Variants in SNX30 observed in about 807,000 individuals in gnomAD.
The protein encoded by SNX30 is sorting nexin family member 30.
SNX30 carries 24 observed loss-of-function variants against 46.4 expected under a neutral mutation model. The ratio of observed to expected loss-of-function variants is 0.52; its 90% CI spans 0.37 to 0.73. SNX30 has a LOEUF of 0.73. SNX30 is among the 30% of genes least tolerant of loss of function. The pLI is 0.00. For missense variants in SNX30, 533 were observed against 555.7 expected (o/e 0.96, Z 0.41); for synonymous variants, 189 against 211.5 (o/e 0.89, Z 0.92).
chr9:112,876,931 C>CAAA (rs67151355), downstream of SNX30, among the ~76,000 whole-genome samples: 13 of 135,468 alleles, frequency 9.6e-5, no homozygotes, highest in South Asian at 2.4e-4. Context: ...GTAAGACTGT[C>CAAA]AAAAAAAAAA....
chr9:112,839,803 T>G (rs1007520911), intron 6 of SNX30, among the ~76,000 whole-genome samples: 9 of 152,242 alleles, frequency 5.9e-5, no homozygotes, highest in African/African-American at 1.9e-4. Context: ...GAATAGGGAC[T>G]GACCTGAATT....
intron 3 of SNX30, among the ~76,000 whole-genome samples, chr9:112,822,215 A>G (rs1375390070): frequency 6.6e-6 from 1 of 152,198 alleles, no homozygotes; most frequent in Non-Finnish European, 1.5e-5. Context: ...CGCCTGGCCA[A>G]GAGTAACCAT....
intron 7 of SNX30, 129 bp downstream of exon 7, chr9:112,851,074 C>A: frequency 1.8e-6 from 1 of 564,984 alleles, no homozygotes; most frequent in Non-Finnish European, 3.2e-6. Context: ...TGATGTTGTC[C>A]TTTTTCACTC....
chr9:112,815,244 G>C (rs1019777663), intron 2 of SNX30, among the ~76,000 whole-genome samples: 1 of 151,736 alleles, frequency 6.6e-6, no homozygotes, highest in African/African-American at 2.4e-5. Flanking sequence ...GTTCTATTGT[G>C]CTGTCTTTTG....
chr9:112,842,817 T>G (rs1038989793), intron 6 of SNX30, among the ~76,000 whole-genome samples: 2 of 152,140 alleles, frequency 1.3e-5, no homozygotes, highest in Non-Finnish European at 2.9e-5. Context: ...TCGGAACAAA[T>G]GGAACAATGT....
At chr9:112,848,683 GAGGGCAGCATTCTGGCCAC>G (rs1840977139) in intron 6 of SNX30, among the ~76,000 whole-genome samples, 1 of 152,236 alleles carries the variant, frequency 6.6e-6, no homozygotes, top group South Asian at 2.1e-4. Context: ...GCCTGCGCCA[GAGGGCAGCATTCTGGCCAC>G]GCTGGATAAC....
chr9:112,836,468 T>C, intron 5 of SNX30, 59 bp downstream of exon 5: 4 of 1,531,882 alleles, frequency 2.6e-6, no homozygotes, highest in Non-Finnish European at 2.7e-6. Flanking sequence ...GAAATGCCAT[T>C]CATGTGTGCT....
intron 1 of SNX30, among the ~76,000 whole-genome samples, chr9:112,780,670 A>C (rs1839831619): frequency 6.6e-6 from 1 of 152,208 alleles, no homozygotes; most frequent in South Asian, 2.1e-4. Flanking sequence ...CCATCTGCAC[A>C]GCATTTGTCT....
chr9:112,791,477 GCGCTGCTCACTGCAACCTC>G (rs1840021517), intron 1 of SNX30, among the ~76,000 whole-genome samples: 2 of 118,048 alleles, frequency 1.7e-5, no homozygotes, highest in African/African-American at 6.5e-5. Context: ...TGGCGCAATT[GCGCTGCTCACTGCAACCTC>G]CGCCTCCTGG....
intron 1 of SNX30, among the ~76,000 whole-genome samples, chr9:112,762,253 G>A (rs756353249): frequency 7.2e-4 from 110 of 152,196 alleles, no homozygotes; most frequent in Non-Finnish European, 1.2e-3. Context: ...GGGGAAGTGG[G>A]ATAGTGGAAA....
At chr9:112,765,136 T>C (rs1839514783) in intron 1 of SNX30, among the ~76,000 whole-genome samples, 1 of 152,054 alleles carries the variant, frequency 6.6e-6, no homozygotes, top group Admixed American at 6.5e-5. Context: ...AGCTGTGAGG[T>C]GTGCAGGACA....
chr9:112,845,123 C>CT lies in SNX30; in HGVS notation c.1015-5735dup, dbSNP rs1396131978. 3.9e-5 allele frequency among the ~76,000 whole-genome samples: 6 copies of CT among 152,296 alleles called. No homozygotes were observed. The East Asian group carries it at 7.7e-4, about 20-fold the overall frequency. ...TAAGAAAAATATTAAAATGAGAACT[C>CT]TGAGATTCCCAGTAATGGCAGACTG... On this transcript the variant is annotated intron_variant, in intron 6 of 8. Transcript: ENST00000374232.
intron 6 of SNX30, among the ~76,000 whole-genome samples, chr9:112,848,149 G>A (rs10759589): frequency 0.8 from 121,547 of 151,758 alleles, 48,830 homozygotes; most frequent in South Asian, 0.86. Flanking sequence ...TCAATGGGAT[G>A]CAGATCCCTA....
At chr9:112,752,588 G>A (rs983785276) in intron 1 of SNX30, among the ~76,000 whole-genome samples, 2 of 152,236 alleles carry the variant, frequency 1.3e-5, no homozygotes, top group African/African-American at 2.4e-5. Context: ...CTGGGCAAGA[G>A]AGTGAGACCC....
chr9:112,817,888 C>G (rs1840426239), intron 3 of SNX30, 73 bp downstream of exon 3: 2 of 963,216 alleles, frequency 2.1e-6, no homozygotes, highest in Non-Finnish European at 1.7e-6. Flanking sequence ...TCACTCAACT[C>G]TCATCCCTTA....
At chr9:112,847,151 A>G (rs532872292) in intron 6 of SNX30, among the ~76,000 whole-genome samples, 1 of 152,314 alleles carries the variant, frequency 6.6e-6, no homozygotes, top group East Asian at 1.9e-4. Flanking sequence ...TTATATTTGG[A>G]TGACAGATAT....
In SNX30 at chr9:112,764,967, G is replaced by GTC. The variant is rs148423659; in HGVS notation, c.156+13812_156+13813dup. 2.2e-3 allele frequency among the ~76,000 whole-genome samples: 330 copies of GTC among 152,306 alleles called. 2 individuals are homozygous for GTC. The highest frequency in any genetic ancestry group is 3.9e-3 in the Non-Finnish European group (262 of 68,030). On this transcript the variant is annotated intron_variant, in intron 1 of 8. Coordinates refer to ENST00000374232, the MANE Select transcript of SNX30 (RefSeq NM_001012994.2). ...AGCTGTGCCTCCAGAAAGGGAGTGA[G>GTC]TCTATCTTCCCAGGGGAAAAGGTCA...
chr9:112,864,455 C>T lies in SNX30; in HGVS notation c.1254+56C>T. On this transcript the variant is annotated intron_variant, in intron 8 of 8. Transcript: ENST00000374232. ...TAATGGCCAGAGCCTTTCACATGGG[C>T]CTACCAGAAATCCACAAGCTGGGAA... is the stretch of plus-strand genomic sequence containing the variant. 3.8e-6 allele frequency: 6 copies of T among 1,599,306 alleles called. No individual in the cohort carries two copies. The East Asian group carries it at 6.7e-5, about 18-fold the overall frequency.
At chr9:112,787,798 C>T (rs1464246386) in intron 1 of SNX30, among the ~76,000 whole-genome samples, 9 of 148,634 alleles carry the variant, frequency 6.1e-5, no homozygotes, top group South Asian at 2.1e-4. Context: ...GAGGCAAGGA[C>T]GCTTTTTTTT....
Sources: gnomAD v4.1 joint callset for allele counts (sites outside exome capture counted in the v4.1 genomes callset) on GRCh38, gnomAD v4.1.1 for gene constraint, MANE v1.5 for transcripts, NCBI Gene and HGNC (gene_info 2026-07-23, HGNC 2026-07-21) for gene names.